The following SH2D7 variants were observed in gnomAD, a reference collection of about 807,000 sequenced individuals.
SH2D7 encodes SH2 domain-containing protein 7.
SH2D7 carries 32 observed loss-of-function variants against 40.8 expected under a neutral mutation model. The observed-to-expected ratio is 0.78, with a 90% CI of 0.59 to 1.05. SH2D7 has a LOEUF of 1.05. SH2D7 is among the 50% of genes least tolerant of loss of function. SH2D7 has a pLI of 0.00. For synonymous variants in SH2D7, 195 were observed against 221.5 expected, an observed-to-expected ratio of 0.88 and a Z score of 1.06; for missense variants, 559 against 566.6, an observed-to-expected ratio of 0.99 and a Z score of 0.14.
chr15:78,090,758 AT>A (rs562215505), upstream of SH2D7, among the ~76,000 whole-genome samples: 176 of 152,290 alleles, frequency 1.2e-3, no homozygotes, highest in Middle Eastern at 3.4e-3. Flanking sequence ...AAGTTAGATC[AT>A]TTGGTTAAGG....
Position 78,101,004 on chromosome 15 carries a change from C to T in SH2D7, c.751C>T (p.Gln251Ter). 1 of 1,613,916 alleles carries T rather than the reference C, an allele frequency of 6.2e-7. No homozygotes were observed. The highest frequency in any genetic ancestry group is 8.5e-7 in the Non-Finnish European group (1 of 1,179,840). ...IIYADLRRMN[Q>*]ARLGLGTEGS... ...CTATGCAGACCTGAGGAGGATGAAC[C>T]AGGCACGGCTAGGCTTGGGCACAGA... The change falls in exon 5 of 6, where the codon CAG becomes TAG. Residue 251 changes from glutamine (Q) to a stop codon, truncating the protein, a stop_gained. Coordinates refer to ENST00000328828, the MANE Select transcript of SH2D7 (RefSeq NM_001101404.2). LOFTEE classifies it high-confidence loss of function.
At chr15:78,093,781 A>G (rs879810251) in intron 1 of SH2D7, among the ~76,000 whole-genome samples, 3 of 152,252 alleles carry the variant, frequency 2.0e-5, no homozygotes, top group Non-Finnish European at 4.4e-5. Flanking sequence ...CTTGCTACAC[A>G]ACCATCCAGG....
At chr15:78,101,793 C>T (rs2141875436) in intron 5 of SH2D7, among the ~76,000 whole-genome samples, 1 of 152,290 alleles carries the variant, frequency 6.6e-6, no homozygotes, top group African/African-American at 2.4e-5. Flanking sequence ...AGGGCATTCT[C>T]TACAGCAGAT....
chr15:78,100,431 C>T (rs2141874010), intron 4 of SH2D7, among the ~76,000 whole-genome samples: 2 of 152,294 alleles, frequency 1.3e-5, no homozygotes, highest in Middle Eastern at 6.8e-3. Context: ...GGTGTGGTGG[C>T]TCACACCTGT....
upstream of SH2D7, among the ~76,000 whole-genome samples, chr15:78,092,364 C>T (rs2141867921): frequency 6.6e-6 from 1 of 152,314 alleles, no homozygotes; most frequent in East Asian, 1.9e-4. Flanking sequence ...CCCTCTCAGG[C>T]TGCTACGGTG....
rs758959296 is a variant in SH2D7 at position 78,098,366 on chromosome 15, G to T, written c.433-18G>T. 9 of 1,612,032 alleles carry T rather than the reference G, an allele frequency of 5.6e-6. No homozygotes were observed. The highest frequency in any genetic ancestry group is 7.6e-6 in the Non-Finnish European group (9 of 1,179,628). ...GGGCATGTGTGACCACATACCTGCCGTATCCGCATGCTCCCAGCCAGAGGA... is the reference window on the plus strand; with the variant it reads ...GGGCATGTGTGACCACATACCTGCCTTATCCGCATGCTCCCAGCCAGAGGA... On this transcript the variant is annotated intron_variant, in intron 3 of 5. Transcript: ENST00000328828.
intron 2 of SH2D7, among the ~76,000 whole-genome samples, chr15:78,096,908 G>A (rs2073975231): frequency 6.6e-6 from 1 of 152,126 alleles, no homozygotes. Context: ...TCAGAAATGA[G>A]TACATATTCA....
chr15:78,101,158 T>G lies in SH2D7; in HGVS notation c.905T>G (p.Val302Gly). Reference protein sequence around the residue: ...PDGLGPVLSGVSPDQGPTESP... With the variant: ...PDGLGPVLSGGSPDQGPTESP... Reference sequence around the variant, plus strand: ...GGCCTGGGGCCTGTCCTTTCTGGGGTGAGCCCAGACCAGGGTCCCACAGAG... The same window carrying G: ...GGCCTGGGGCCTGTCCTTTCTGGGGGGAGCCCAGACCAGGGTCCCACAGAG... Residue 302 changes from valine to glycine, a missense_variant, in exon 5 of 6, where the codon GTG becomes GGG. Physicochemically the swap from Val to Gly is moderately radical, Grantham distance 109. Transcript: ENST00000328828. 6.4e-7 allele frequency: 1 copy of G among 1,566,838 alleles called. No individual in the cohort carries two copies. The highest frequency in any genetic ancestry group is 8.6e-7 in the Non-Finnish European group (1 of 1,160,022).
At chr15:78,093,972 T>A in intron 1 of SH2D7, 140 bp from the exon 2 acceptor site, 1 of 720,078 alleles carries the variant, frequency 1.4e-6, no homozygotes, top group Admixed American at 2.7e-5. Flanking sequence ...CATCCACAGG[T>A]CTGAGTGGCT....
chr15:78,103,283 G>A (rs1279829183), intron 5 of SH2D7, among the ~76,000 whole-genome samples, 182 bp from the exon 6 acceptor site: 1 of 152,182 alleles, frequency 6.6e-6, no homozygotes, highest in African/African-American at 2.4e-5. Flanking sequence ...TGAAATTGGG[G>A]AGCTAAAGGT....
At chr15:78,095,227 A>T (rs962332874) in intron 2 of SH2D7, among the ~76,000 whole-genome samples, 1 of 152,274 alleles carries the variant, frequency 6.6e-6, no homozygotes, top group Non-Finnish European at 1.5e-5. Context: ...CATAAAATGT[A>T]GTAAGGACTT....
chr15:78,091,993 C>G (rs909751102), upstream of SH2D7, among the ~76,000 whole-genome samples: 1 of 152,204 alleles, frequency 6.6e-6, no homozygotes, highest in Non-Finnish European at 1.5e-5. Context: ...ACTCTATATT[C>G]TACACATATA....
intron 1 of SH2D7, 116 bp downstream of exon 1, chr15:78,092,876 G>A: frequency 7.8e-7 from 1 of 1,289,562 alleles, no homozygotes; most frequent in Non-Finnish European, 1.0e-6. Flanking sequence ...CTAGGCAGGG[G>A]CCCTTGGAGG....
intron 3 of SH2D7, 123 bp from the exon 4 acceptor site, chr15:78,098,261 G>C (rs989214720): frequency 9.2e-6 from 13 of 1,412,804 alleles, no homozygotes; most frequent in African/African-American, 1.4e-5. Flanking sequence ...CTGTGGCAAT[G>C]TCTTACCTGA....
At chr15:78,093,500 A>G (rs896389615) in intron 1 of SH2D7, among the ~76,000 whole-genome samples, 5 of 152,216 alleles carry the variant, frequency 3.3e-5, no homozygotes, top group African/African-American at 1.2e-4. Flanking sequence ...GAGGGAATAC[A>G]TATCTGGTCT....
rs771881384 is a variant in SH2D7, at chr15:78,094,106, G to A, written c.177-6G>A. On this transcript the variant is annotated splice_polypyrimidine_tract_variant and splice_region_variant and intron_variant, in intron 1 of 5. Coordinates refer to ENST00000328828, the MANE Select transcript of SH2D7 (RefSeq NM_001101404.2). ...GACCCCAGCTAATGGCATGTCTTCT[G>A]CCCAGGCAGACGGAGCAGCTACTCA... The A allele has an allele frequency of 6.2e-7, 1 of 1,603,472 alleles. No homozygotes were observed. Among genetic ancestry groups the A allele is most frequent in the Admixed American group, 1.7e-5 (1 of 58,436 alleles).
chr15:78,099,480 A>ATTTTTT (rs34331155), intron 4 of SH2D7, among the ~76,000 whole-genome samples: 1 of 133,130 alleles, frequency 7.5e-6, no homozygotes, highest in Non-Finnish European at 1.6e-5. Flanking sequence ...TGCCTGGCTA[A>ATTTTTT]TTTTTTTTTT....
chr15:78,094,001 G>A, intron 1 of SH2D7, 111 bp from the exon 2 acceptor site: 2 of 1,031,504 alleles, frequency 1.9e-6, no homozygotes, highest in Non-Finnish European at 1.4e-6. Flanking sequence ...AAGGGTTGGA[G>A]GTCTGGAACC....
At chr15:78,097,811 CTG>C in intron 2 of SH2D7, 116 bp from the exon 3 acceptor site, 1 of 1,321,134 alleles carries the variant, frequency 7.6e-7, no homozygotes, top group Non-Finnish European at 1.0e-6. Context: ...TCAGGCAGGT[CTG>C]TTCTGGATCA....
Sources: allele counts gnomAD v4.1 joint callset (sites outside exome capture counted in the v4.1 genomes callset), GRCh38; gene constraint gnomAD v4.1.1; transcripts MANE v1.5; gene names NCBI Gene and HGNC (gene_info 2026-07-23, HGNC 2026-07-21).